The following NUAK1 variants were observed in gnomAD, a reference collection of about 807,000 sequenced individuals.
NUAK1 encodes NUAK family kinase 1.
Under a neutral mutation model 56.9 loss-of-function variants are expected in NUAK1, and 26 were observed. The ratio of observed to expected loss-of-function variants is 0.46; its 90% CI spans 0.33 to 0.63. The LOEUF (loss-of-function observed/expected upper bound fraction) is 0.63, where lower values mean the gene tolerates loss of function less well. NUAK1 is among the 30% of genes least tolerant of loss of function. The probability of loss-of-function intolerance (pLI) is 0.02; values close to 1 mark genes in which losing one functional copy is unlikely to be tolerated. For synonymous variants in NUAK1, 337 were observed against 336.0 expected (o/e 1.00, Z -0.03); for missense variants, 727 against 876.1 (o/e 0.83, Z 2.15).
intron 1 of NUAK1, among the ~76,000 whole-genome samples, chr12:106,117,297 T>C (rs1164885913): frequency 1.3e-5 from 2 of 152,258 alleles, no homozygotes; most frequent in Non-Finnish European, 2.9e-5. Flanking sequence ...AGACACATGA[T>C]GTGTATGCAC....
chr12:106,117,001 T>G (rs1043332902), intron 1 of NUAK1, among the ~76,000 whole-genome samples: 1 of 152,158 alleles, frequency 6.6e-6, no homozygotes, highest in Non-Finnish European at 1.5e-5. Context: ...CTAGAGAACA[T>G]GAACTAGACC....
intron 1 of NUAK1, among the ~76,000 whole-genome samples, chr12:106,124,165 C>T (rs893117908): frequency 1.2e-4 from 19 of 152,182 alleles, no homozygotes; most frequent in African/African-American, 4.3e-4. Context: ...TTGCAAAAAG[C>T]ATCACCAGAT....
In NUAK1 at chr12:106,138,641, C is replaced by T; in HGVS notation, c.13G>A (p.Ala5Thr). The change falls in exon 1 of 7, where the codon GCC becomes ACC. Residue 5 changes from alanine to threonine, a missense_variant. By Grantham distance (58) the Ala-to-Thr change is moderately conservative. Transcript: ENST00000261402. The surrounding 1 kb of genome is among the most constrained non-coding windows in gnomAD (Gnocchi z 5.0). ...GGGCGGTCCCCCGCCACAGGCGCGG[C>T]GGCCCCTTCCATGTCCAAGCGCGGG... The part of the protein sequence containing the change: MEGA[A>T]APVAGDRPDL... 1.3e-6 allele frequency: 2 copies of T among 1,541,250 alleles called. No individual in the cohort carries two copies. The highest frequency in any genetic ancestry group is 1.7e-6 in the Non-Finnish European group (2 of 1,152,684).
chr12:106,092,994 A>T (rs1412154250), intron 2 of NUAK1, among the ~76,000 whole-genome samples: 1 of 152,198 alleles, frequency 6.6e-6, no homozygotes, highest in Non-Finnish European at 1.5e-5. Flanking sequence ...TGTTAAAGGG[A>T]ATACAAAAGA....
intron 1 of NUAK1, among the ~76,000 whole-genome samples, chr12:106,111,290 C>T (rs1455699825): frequency 6.6e-6 from 1 of 152,164 alleles, no homozygotes; most frequent in East Asian, 1.9e-4. Context: ...GGCTCCTCTC[C>T]ACCCCCACAC....
At chr12:106,109,998 T>C (rs1452591341) in intron 1 of NUAK1, among the ~76,000 whole-genome samples, 1 of 152,174 alleles carries the variant, frequency 6.6e-6, no homozygotes, top group Non-Finnish European at 1.5e-5. Flanking sequence ...CATGTTTTCA[T>C]AGTACATAAA....
chr12:106,066,613 G>A lies in NUAK1; in HGVS notation c.*189C>T. The stretch of plus-strand genomic sequence containing the variant: ...CCCAAATTCTGACTGACAATTGACA[G>A]AACTGGCAGAAGAGCCCACCTCTCC... On this transcript the variant is annotated 3_prime_UTR_variant, in exon 7 of 7. Coordinates refer to ENST00000261402, the MANE Select transcript of NUAK1 (RefSeq NM_014840.3). 1 of 625,620 alleles carries A rather than the reference G, an allele frequency of 1.6e-6. No homozygotes were observed. The highest frequency in any genetic ancestry group is 2.8e-6 in the Non-Finnish European group (1 of 354,390). 38.8% of individuals were successfully genotyped at this position (625,620 alleles called of 1,614,324 possible).
intron 1 of NUAK1, among the ~76,000 whole-genome samples, chr12:106,112,068 A>C (rs1208989801): frequency 2.0e-5 from 3 of 151,768 alleles, no homozygotes; most frequent in Non-Finnish European, 4.4e-5. Context: ...CCCTCCAAGC[A>C]GATGAAGTTT....
chr12:106,088,621 G>A (rs141819205), intron 2 of NUAK1, among the ~76,000 whole-genome samples: 222 of 152,320 alleles, frequency 1.5e-3, no homozygotes, highest in Admixed American at 5.4e-3. Context: ...ACTACAAAAC[G>A]TGAATAATAT....
intron 2 of NUAK1, among the ~76,000 whole-genome samples, chr12:106,093,807 T>C (rs1421527564): frequency 2.0e-5 from 3 of 152,148 alleles, no homozygotes; most frequent in Admixed American, 6.5e-5. Context: ...TTTTGGTTTG[T>C]TTGTTTGTTG....
intron 1 of NUAK1, among the ~76,000 whole-genome samples, chr12:106,114,228 G>A (rs761142797): frequency 1.3e-5 from 2 of 152,202 alleles, no homozygotes; most frequent in African/African-American, 2.4e-5. Flanking sequence ...ATAAGCTTAA[G>A]GTTGTGCAAC....
intron 1 of NUAK1, among the ~76,000 whole-genome samples, chr12:106,113,837 T>C (rs7138598): frequency 0.087 from 13,250 of 151,860 alleles, 644 homozygotes; most frequent in African/African-American, 0.11. Flanking sequence ...AAGGAGGGCC[T>C]GTGGATGAAG....
rs532690282 is a variant in NUAK1 at position 106,122,079 on chromosome 12, T to C, written c.241-15554A>G. On this transcript the variant is annotated intron_variant, in intron 1 of 6. Coordinates refer to ENST00000261402, the MANE Select transcript of NUAK1 (RefSeq NM_014840.3). ...GTGCAAGTCTTATGCCTGGGTGTAC[T>C]ACACAGGGCTGGTGCACAGTAGGCC... Among the ~76,000 whole-genome samples the C allele has an allele frequency of 4.6e-5, 7 of 152,298 alleles. No homozygotes were observed. In the East Asian group the frequency reaches 1.2e-3, roughly 25 times the overall value.
In NUAK1 at chr12:106,064,796, C is replaced by CT. The variant is rs201601633; in HGVS notation, c.*2005_*2006insA. The stretch of plus-strand genomic sequence containing the variant: ...TCCTCCATGCACCCACACCCCCACC[C>CT]CCCCCCACACACACAATTTGCTATC... On this transcript the variant is annotated 3_prime_UTR_variant, in exon 7 of 7. Coordinates refer to ENST00000261402, the MANE Select transcript of NUAK1 (RefSeq NM_014840.3). 1 of 145,832 alleles carries CT rather than the reference C, an allele frequency of 6.9e-6. No individual in the cohort carries two copies. The allele number at this position is 145,832 out of a possible 1,614,324, so 9.0% of individuals were successfully genotyped here. A position where few individuals can be genotyped will look rare whatever the true frequency, so the allele number is the denominator to read the frequency against.
intron 2 of NUAK1, among the ~76,000 whole-genome samples, chr12:106,088,393 C>T (rs2136463517): frequency 6.6e-6 from 1 of 152,328 alleles, no homozygotes; most frequent in South Asian, 2.1e-4. Flanking sequence ...TTAGCCAAGA[C>T]TGTGCTCATA....
rs1264861129 is a variant in NUAK1 at position 106,065,253 on chromosome 12, T to C, written c.*1549A>G. The C allele has an allele frequency of 6.6e-6, 1 of 152,180 alleles. No individual in the cohort carries two copies. The highest frequency in any genetic ancestry group is 6.5e-5 in the Admixed American group (1 of 15,284). The allele number at this position is 152,180 out of a possible 1,614,324, so 9.4% of individuals were successfully genotyped here. ...GGTGTCCCATGGTTGGAGTGGCATCTTGTCATTGTGATCTGGGTGTTTAGA... is the reference window on the plus strand; with the variant it reads ...GGTGTCCCATGGTTGGAGTGGCATCCTGTCATTGTGATCTGGGTGTTTAGA... On this transcript the variant is annotated 3_prime_UTR_variant, in exon 7 of 7. Coordinates refer to ENST00000261402, the MANE Select transcript of NUAK1 (RefSeq NM_014840.3).
intron 1 of NUAK1, among the ~76,000 whole-genome samples, chr12:106,115,044 T>C (rs1220605937): frequency 2.6e-5 from 4 of 152,232 alleles, no homozygotes; most frequent in African/African-American, 9.6e-5. Flanking sequence ...TGAATACGCA[T>C]ACTTGGGAAG....
chr12:106,074,377 C>T (rs1270279364), intron 4 of NUAK1, among the ~76,000 whole-genome samples: 1 of 152,110 alleles, frequency 6.6e-6, no homozygotes, highest in Non-Finnish European at 1.5e-5. Flanking sequence ...CCTTTCATGC[C>T]TAAAAAAGGT....
chr12:106,123,891 A>G (rs1444334027), intron 1 of NUAK1, among the ~76,000 whole-genome samples: 1 of 152,132 alleles, frequency 6.6e-6, no homozygotes, highest in Non-Finnish European at 1.5e-5. Flanking sequence ...ATTTTATGAG[A>G]TTTCTTTGCT....
Sources: allele counts gnomAD v4.1 joint callset (sites outside exome capture counted in the v4.1 genomes callset), GRCh38; gene constraint gnomAD v4.1.1; non-coding constraint Gnocchi (gnomAD v3.1); transcripts MANE v1.5; gene names NCBI Gene and HGNC (gene_info 2026-07-23, HGNC 2026-07-21).